Variants in SUPT3H observed in about 807,000 individuals in gnomAD.
SUPT3H encodes transcription initiation protein SPT3 homolog.
A neutral mutation model predicts 44.3 loss-of-function variants in SUPT3H; 44 were observed. The ratio of observed to expected loss-of-function variants is 0.99; its 90% CI spans 0.78 to 1.28. SUPT3H has a LOEUF of 1.28. Among genes scored for constraint, SUPT3H ranks in the 50% most tolerant of loss-of-function variants. The probability of loss-of-function intolerance (pLI) is 0.00; values close to 1 mark genes in which losing one functional copy is unlikely to be tolerated. For synonymous variants in SUPT3H, 124 were observed against 125.6 expected, an observed-to-expected ratio of 0.99 and a Z score of 0.09; for missense variants, 380 against 387.1, an observed-to-expected ratio of 0.98 and a Z score of 0.15.
At chr6:45,152,860 T>C (rs1807173105) in intron 2 of SUPT3H, among the ~76,000 whole-genome samples, 1 of 152,084 alleles carries the variant, frequency 6.6e-6, no homozygotes, top group African/African-American at 2.4e-5. Context: ...AAAAAATATA[T>C]ATACATTTAA....
chr6:45,229,648 A>T (rs1424883801), intron 2 of SUPT3H, among the ~76,000 whole-genome samples: 1 of 152,152 alleles, frequency 6.6e-6, no homozygotes, highest in African/African-American at 2.4e-5. Flanking sequence ...CTAAGTAGCT[A>T]AACCTCCTTC....
chr6:45,057,942 A>T (rs567992283), intron 3 of SUPT3H, among the ~76,000 whole-genome samples: 3 of 152,278 alleles, frequency 2.0e-5, no homozygotes, highest in South Asian at 4.1e-4. Context: ...TAACATATCA[A>T]TGTGACGGTT....
At chr6:45,281,362 C>A (rs778444405) in intron 2 of SUPT3H, among the ~76,000 whole-genome samples, 1 of 152,244 alleles carries the variant, frequency 6.6e-6, no homozygotes, top group Non-Finnish European at 1.5e-5. Context: ...GGGTGACAGA[C>A]AGCACCTGGA....
At chr6:45,363,471 T>C (rs1424104394) in intron 2 of SUPT3H, among the ~76,000 whole-genome samples, 3 of 152,146 alleles carry the variant, frequency 2.0e-5, no homozygotes, top group Non-Finnish European at 2.9e-5. Flanking sequence ...TATGGATATA[T>C]AGGTTTCATT....
intron 2 of SUPT3H, among the ~76,000 whole-genome samples, chr6:45,131,728 A>G (rs1359798251): frequency 2.6e-5 from 4 of 152,230 alleles, no homozygotes; most frequent in African/African-American, 9.6e-5. Flanking sequence ...AATATAGCTA[A>G]GCATCAAAAA....
intron 2 of SUPT3H, among the ~76,000 whole-genome samples, chr6:45,248,422 T>C (rs1771754298): frequency 6.6e-6 from 1 of 151,742 alleles, no homozygotes; most frequent in Non-Finnish European, 1.5e-5. Flanking sequence ...AATTATCCAG[T>C]AAATAAAAAA....
intron 10 of SUPT3H, among the ~76,000 whole-genome samples, chr6:44,875,183 C>T (rs1249231322): frequency 1.6e-4 from 4 of 25,262 alleles, no homozygotes; most frequent in Non-Finnish European, 3.0e-4. Context: ...AAAAAGAGCC[C>T]GCATCGCCAA....
At position 45,244,709 on chromosome 6, in the gene SUPT3H, ACTT is replaced by A. The variant is rs536521539; in HGVS notation, c.101+120489_101+120491del. Among the ~76,000 whole-genome samples, 256 of 152,284 alleles carry A rather than the reference ACTT, an allele frequency of 1.7e-3. 2 individuals are homozygous for A. The highest frequency in any genetic ancestry group is 6.8e-3 in the Middle Eastern group (2 of 292). ...ACCTGTTGCTATTACACCTCAGTAAACTTCTATCTCTTCCACACCCAACATTCT... is the reference window on the plus strand; with the variant it reads ...ACCTGTTGCTATTACACCTCAGTAAACTATCTCTTCCACACCCAACATTCT... On this transcript the variant is annotated intron_variant, in intron 2 of 10. Transcript: ENST00000371459.
intron 2 of SUPT3H, among the ~76,000 whole-genome samples, chr6:45,134,804 A>G (rs1469283865): frequency 6.6e-6 from 1 of 152,152 alleles, no homozygotes; most frequent in Non-Finnish European, 1.5e-5. Context: ...AGGCAGCCCC[A>G]CTAAGAAGCC....
chr6:44,909,142 CGTGTGTGTGTGT>C (rs34494107), intron 10 of SUPT3H, among the ~76,000 whole-genome samples: 4 of 147,052 alleles, frequency 2.7e-5, no homozygotes, highest in South Asian at 2.2e-4. Context: ...TGTGTGTGTG[CGTGTGTGTGTGT>C]GTGTGTGTGT....
intron 2 of SUPT3H, among the ~76,000 whole-genome samples, chr6:45,316,440 C>A (rs570999459): frequency 5.3e-5 from 8 of 149,990 alleles, no homozygotes; most frequent in Admixed American, 3.3e-4. Flanking sequence ...CTGTATCAAG[C>A]AAAATTAGAT....
intron 10 of SUPT3H, among the ~76,000 whole-genome samples, chr6:44,832,325 T>C (rs1303408955): frequency 6.6e-6 from 1 of 152,170 alleles, no homozygotes; most frequent in Admixed American, 6.5e-5. Flanking sequence ...ATGGAATACT[T>C]TGTATCCCAC....
At chr6:45,194,233 T>G (rs544013995) in intron 2 of SUPT3H, among the ~76,000 whole-genome samples, 1 of 152,146 alleles carries the variant, frequency 6.6e-6, no homozygotes, top group Non-Finnish European at 1.5e-5. Flanking sequence ...CTTATCTTTA[T>G]TAACTATATT....
chr6:45,261,422 G>A (rs886913705), intron 2 of SUPT3H, among the ~76,000 whole-genome samples: 6 of 151,552 alleles, frequency 4.0e-5, no homozygotes, highest in Middle Eastern at 3.2e-3. Flanking sequence ...GTCAACATAC[G>A]CAAATCGATA....
chr6:45,278,486 A>G (rs1777397607), intron 2 of SUPT3H, among the ~76,000 whole-genome samples: 1 of 152,174 alleles, frequency 6.6e-6, no homozygotes, highest in Non-Finnish European at 1.5e-5. Context: ...TAATCCAAAA[A>G]TATTTGGGCA....
chr6:45,076,639 T>G (rs1203574477), intron 3 of SUPT3H, among the ~76,000 whole-genome samples: 3 of 152,196 alleles, frequency 2.0e-5, no homozygotes, highest in Non-Finnish European at 4.4e-5. Flanking sequence ...GGTTATATTC[T>G]GCATATATGG....
intron 2 of SUPT3H, chr6:45,323,024 C>T (rs1295812898): frequency 7.6e-6 from 8 of 1,052,656 alleles, no homozygotes; most frequent in Non-Finnish European, 1.1e-5. Context: ...GAGATACAGA[C>T]AGACATACGA....
intron 2 of SUPT3H, among the ~76,000 whole-genome samples, chr6:45,319,483 A>G (rs1402261923): frequency 6.6e-6 from 1 of 152,168 alleles, no homozygotes; most frequent in African/African-American, 2.4e-5. Context: ...CTGTTACTTA[A>G]AGCCATCCCA....
At chr6:45,188,320 C>T (rs1333853626) in intron 2 of SUPT3H, among the ~76,000 whole-genome samples, 5 of 152,154 alleles carry the variant, frequency 3.3e-5, no homozygotes, top group African/African-American at 1.2e-4. Context: ...ATAGTAAGAA[C>T]GAATCTTCTA....
Sources: gnomAD v4.1 joint callset for allele counts (sites outside exome capture counted in the v4.1 genomes callset) on GRCh38, gnomAD v4.1.1 for gene constraint, MANE v1.5 for transcripts, NCBI Gene and HGNC (gene_info 2026-07-23, HGNC 2026-07-21) for gene names.